The following TRPC3 variants were observed in gnomAD, a reference collection of about 807,000 sequenced individuals.
The protein encoded by TRPC3 is transient receptor potential cation channel subfamily C member 3, also known as short transient receptor potential channel 3.
A neutral mutation model predicts 90.9 loss-of-function variants in TRPC3; 54 were observed. That is an observed-to-expected ratio of 0.59 (90% CI 0.48 to 0.75). TRPC3 has a LOEUF of 0.75. TRPC3 is among the 30% of genes least tolerant of loss of function. The pLI is 0.00. For missense variants in TRPC3, 918 were observed against 1,194.5 expected (o/e 0.77, Z 3.41); for synonymous variants, 424 against 450.9 (o/e 0.94, Z 0.75).
intron 6 of TRPC3, 135 bp from the exon 7 acceptor site, chr4:121,907,702 T>A: frequency 1.1e-6 from 1 of 935,052 alleles, no homozygotes; most frequent in Non-Finnish European, 1.6e-6. Context: ...TAGATTTAAT[T>A]AACTGTCCAG....
chr4:121,942,223 G>A (rs1323194104), intron 1 of TRPC3, among the ~76,000 whole-genome samples: 2 of 152,168 alleles, frequency 1.3e-5, no homozygotes, highest in African/African-American at 2.4e-5. Context: ...TTCCCTGATA[G>A]TTTCTGTTGG....
chr4:121,899,547 A>T (rs1236134521), intron 10 of TRPC3, 65 bp downstream of exon 10: 1 of 1,370,188 alleles, frequency 7.3e-7, no homozygotes. Context: ...ACACACACAC[A>T]AACACACACG....
At chr4:121,937,574 TA>T (rs1418803533) in intron 1 of TRPC3, among the ~76,000 whole-genome samples, 2 of 152,240 alleles carry the variant, frequency 1.3e-5, no homozygotes, top group Non-Finnish European at 2.9e-5. Flanking sequence ...GAAGGAGTGA[TA>T]TTTTTAAAAG....
chr4:121,921,765 C>T (rs953354222), intron 3 of TRPC3, among the ~76,000 whole-genome samples: 4 of 151,920 alleles, frequency 2.6e-5, no homozygotes, highest in African/African-American at 4.8e-5. Context: ...ATCATTATAA[C>T]CCAAGACGTG....
At chr4:121,904,156 T>C (rs1025651394) in intron 8 of TRPC3, among the ~76,000 whole-genome samples, 166 bp downstream of exon 8, 50 of 152,154 alleles carry the variant, frequency 3.3e-4, no homozygotes, top group African/African-American at 1.1e-3. Flanking sequence ...GCAGAATGTG[T>C]AGAGCTATCT....
intron 3 of TRPC3, among the ~76,000 whole-genome samples, chr4:121,916,874 T>G (rs1260060289): frequency 1.3e-5 from 2 of 152,066 alleles, no homozygotes; most frequent in Non-Finnish European, 2.9e-5. Flanking sequence ...CCACCATGCC[T>G]GGCTAATTTT....
At chr4:121,929,846 C>T (rs1289366506) in intron 2 of TRPC3, among the ~76,000 whole-genome samples, 1 of 151,596 alleles carries the variant, frequency 6.6e-6, no homozygotes, top group Admixed American at 6.6e-5. Context: ...AAAAAAATCA[C>T]CTCTTTTTCA....
chr4:121,903,126 A>T, intron 8 of TRPC3, 65 bp from the exon 9 acceptor site: 1 of 1,432,846 alleles, frequency 7.0e-7, no homozygotes, highest in East Asian at 2.4e-5. Context: ...ACTGTTGCTA[A>T]TAGGTTTTTT....
chr4:121,877,223 A>G lies in TRPC3; in HGVS notation c.*2513T>C, dbSNP rs1347981266. Among the ~76,000 whole-genome samples the G allele has an allele frequency of 1.3e-5, 2 of 152,222 alleles. No homozygotes were observed. Among genetic ancestry groups the G allele is most frequent in the Admixed American group, 1.3e-4 (2 of 15,282 alleles). Reference sequence around the variant, plus strand: ...TATGGCTTAGTGTGAGTTCCCTAAAAGCAAAACCTAATAAGATTTGGATGT... The same window carrying G: ...TATGGCTTAGTGTGAGTTCCCTAAAGGCAAAACCTAATAAGATTTGGATGT... On this transcript the variant is annotated 3_prime_UTR_variant, in exon 12 of 12. Coordinates refer to ENST00000379645, the MANE Select transcript of TRPC3 (RefSeq NM_001130698.2).
rs1729038344 is a variant in TRPC3, at chr4:121,910,406, A to G, written c.1559-19T>C. 3 of 1,604,016 alleles carry G rather than the reference A, an allele frequency of 1.9e-6. No homozygotes were observed. On this transcript the variant is annotated intron_variant, in intron 5 of 11. Transcript: ENST00000379645. ...ATCATTCCTGTCACAACAAATACAG[A>G]GGGTGCAGGTCAGATTTTACAGGCC... is the stretch of plus-strand genomic sequence containing the variant.
At chr4:121,880,451 C>A (rs912975784) in intron 11 of TRPC3, among the ~76,000 whole-genome samples, 2 of 152,036 alleles carry the variant, frequency 1.3e-5, no homozygotes, top group African/African-American at 4.8e-5. Context: ...AGGACTAATG[C>A]GTAAGGAAGT....
At chr4:121,938,554 C>T (rs1335541222) in intron 1 of TRPC3, among the ~76,000 whole-genome samples, 1 of 152,190 alleles carries the variant, frequency 6.6e-6, no homozygotes, top group African/African-American at 2.4e-5. Context: ...CTTTTCTGAG[C>T]ACCTCATATG....
rs532089689 is a variant in TRPC3, at chr4:121,906,201, A to G, written c.2057+1102T>C. The stretch of plus-strand genomic sequence containing the variant: ...AGGAAACTGACACTGAGAAATGTTC[A>G]GGAACTTAACCAAAAGCCACAGCTA... On this transcript the variant is annotated intron_variant, in intron 7 of 11. Transcript: ENST00000379645. 3.9e-5 allele frequency among the ~76,000 whole-genome samples: 6 copies of G among 152,292 alleles called. No individual in the cohort carries two copies. The East Asian group carries it at 1.2e-3, about 29-fold the overall frequency.
At chr4:121,897,192 A>G (rs909836179) in intron 10 of TRPC3, among the ~76,000 whole-genome samples, 11 of 147,520 alleles carry the variant, frequency 7.5e-5, no homozygotes, top group Non-Finnish European at 1.4e-4. Flanking sequence ...AAACTAGTAG[A>G]AAAAAACATA....
At chr4:121,938,847 TA>T (rs1189080537) in intron 1 of TRPC3, among the ~76,000 whole-genome samples, 25 of 145,674 alleles carry the variant, frequency 1.7e-4, no homozygotes, top group South Asian at 4.4e-4. Flanking sequence ...CACTTCTCTT[TA>T]AAAAAAAAAA....
At chr4:121,900,377 G>C (rs1220603211) in intron 9 of TRPC3, among the ~76,000 whole-genome samples, 1 of 152,164 alleles carries the variant, frequency 6.6e-6, no homozygotes, top group Admixed American at 6.5e-5. Context: ...CCACTGTAAG[G>C]TGTGATTCAA....
At chr4:121,879,927 A>G (rs776372633) in intron 11 of TRPC3, 49 bp from the exon 12 acceptor site, 1 of 1,471,656 alleles carries the variant, frequency 6.8e-7, no homozygotes, top group South Asian at 1.4e-5. Flanking sequence ...CTTTGGATTT[A>G]GAAATGAACA....
At chr4:121,933,095 CT>C (rs1730011314) in intron 1 of TRPC3, 53 bp from the exon 2 acceptor site, 1 of 1,510,580 alleles carries the variant, frequency 6.6e-7, no homozygotes, top group Non-Finnish European at 8.9e-7. Context: ...ACATTCCTTC[CT>C]TTCACATGTC....
At chr4:121,886,443 T>C (rs1044994962) in intron 10 of TRPC3, among the ~76,000 whole-genome samples, 30 of 152,336 alleles carry the variant, frequency 2.0e-4, no homozygotes, top group African/African-American at 7.2e-4. Context: ...TTGTTTTTCA[T>C]GTTTTTATAC....
Sources: allele counts gnomAD v4.1 joint callset (sites outside exome capture counted in the v4.1 genomes callset), GRCh38; gene constraint gnomAD v4.1.1; transcripts MANE v1.5; gene names NCBI Gene and HGNC (gene_info 2026-07-23, HGNC 2026-07-21).